The following KAZN variants were observed in gnomAD, a reference collection of about 807,000 sequenced individuals.
KAZN encodes the protein kazrin, periplakin interacting protein, also known as kazrin.
A neutral mutation model predicts 87.4 loss-of-function variants in KAZN; 40 were observed. That is an observed-to-expected ratio of 0.46 (90% confidence interval 0.36 to 0.60). The LOEUF (loss-of-function observed/expected upper bound fraction) is 0.60. KAZN is among the 20% of genes least tolerant of loss of function. The pLI is 0.00. For synonymous variants in KAZN, 466 were observed against 458.3 expected (o/e 1.02, Z -0.22); for missense variants, 898 against 1,073.9 (o/e 0.84, Z 2.29).
At chr1:14,632,979 C>T (rs1679687435) in intron 1 of KAZN, among the ~76,000 whole-genome samples, 1 of 151,992 alleles carries the variant, frequency 6.6e-6, no homozygotes, top group South Asian at 2.1e-4. Flanking sequence ...TGCAGTGGCG[C>T]CATCTCGGCT....
At chr1:15,047,283 C>T (rs1162908012) in intron 4 of KAZN, among the ~76,000 whole-genome samples, 1 of 152,206 alleles carries the variant, frequency 6.6e-6, no homozygotes, top group Non-Finnish European at 1.5e-5. Flanking sequence ...CACCGCCAGG[C>T]TGTGTTGCCT....
chr1:14,317,557 A>G (rs145938339), intron 2 of KAZN, among the ~76,000 whole-genome samples: 12 of 152,002 alleles, frequency 7.9e-5, no homozygotes, highest in Admixed American at 7.9e-4. Context: ...GCTGAAGTCT[A>G]TTATTTTGCT....
At chr1:14,205,052 G>A (rs1646711315) in intron 2 of KAZN, among the ~76,000 whole-genome samples, 1 of 152,200 alleles carries the variant, frequency 6.6e-6, no homozygotes, top group Non-Finnish European at 1.5e-5. Context: ...AGGGAGCCAG[G>A]CTGCTTCTAT....
At chr1:14,709,818 C>A (rs1246913116) in intron 1 of KAZN, among the ~76,000 whole-genome samples, 2 of 152,168 alleles carry the variant, frequency 1.3e-5, no homozygotes, top group African/African-American at 4.8e-5. Flanking sequence ...CACCAGGTGC[C>A]TTTTCTTATG....
At chr1:14,175,088 A>G (rs567508293) in intron 1 of KAZN, among the ~76,000 whole-genome samples, 25 of 152,232 alleles carry the variant, frequency 1.6e-4, no homozygotes, top group African/African-American at 6.0e-4. Flanking sequence ...AATTCAATCT[A>G]CCATGGATGG....
chr1:14,310,978 G>A (rs74057168), intron 2 of KAZN, among the ~76,000 whole-genome samples: 22 of 152,338 alleles, frequency 1.4e-4, no homozygotes, highest in African/African-American at 4.8e-4. Context: ...TTCCACTGGA[G>A]ATCCATCAGA....
intron 2 of KAZN, among the ~76,000 whole-genome samples, chr1:14,183,520 T>A (rs1398829233): frequency 6.6e-6 from 1 of 152,194 alleles, no homozygotes; most frequent in Non-Finnish European, 1.5e-5. Context: ...ATCTTGTGGC[T>A]TTGATTCCTG....
At chr1:14,290,808 T>C (rs1653626480) in intron 2 of KAZN, among the ~76,000 whole-genome samples, 1 of 152,200 alleles carries the variant, frequency 6.6e-6, no homozygotes, top group African/African-American at 2.4e-5. Flanking sequence ...CTCCCCATCT[T>C]TGTGGTTTTA....
intron 2 of KAZN, among the ~76,000 whole-genome samples, chr1:14,565,818 A>G (rs974509148): frequency 3.9e-5 from 6 of 152,124 alleles, no homozygotes; most frequent in Admixed American, 3.3e-4. Flanking sequence ...TTTGATCCTG[A>G]GATTCCAGTA....
intron 1 of KAZN, among the ~76,000 whole-genome samples, chr1:13,909,944 A>G (rs527942640): frequency 2.3e-4 from 35 of 152,278 alleles, no homozygotes; most frequent in African/African-American, 7.9e-4. Context: ...ATGGTGGTCA[A>G]TCTCACTCCT....
At position 13,920,481 on chromosome 1, in the gene KAZN, G is replaced by T. The variant is rs946594201; in HGVS notation, c.91+26725G>T. Among the ~76,000 whole-genome samples the T allele has an allele frequency of 1.1e-4, 17 of 151,994 alleles. 1 individual carries two copies. The highest frequency in any genetic ancestry group is 4.1e-4 in the African/African-American group (17 of 41,368). On this transcript the variant is annotated intron_variant, in intron 1 of 16. Transcript: ENST00000636203. ...CGAATCTAACTGGTGAAGTTGGCAG[G>T]CTCACCAGGTGTACATGTTGTAAGA...
chr1:14,961,837 A>G (rs6676281), intron 2 of KAZN, among the ~76,000 whole-genome samples: 41,414 of 152,080 alleles, frequency 0.27, 6,235 homozygotes, highest in African/African-American at 0.39. Flanking sequence ...TAACAAAGAG[A>G]CCCCAAAACA....
chr1:14,127,918 T>G (rs1413259280), intron 1 of KAZN, among the ~76,000 whole-genome samples: 1 of 152,108 alleles, frequency 6.6e-6, no homozygotes, highest in Admixed American at 6.6e-5. Flanking sequence ...GGTCCCTGGG[T>G]CCACTCACGA....
chr1:14,247,022 TG>T (rs1649578881), intron 2 of KAZN, among the ~76,000 whole-genome samples: 1 of 152,192 alleles, frequency 6.6e-6, no homozygotes, highest in Non-Finnish European at 1.5e-5. Context: ...CTTCCAATTT[TG>T]TTCACATCCT....
At chr1:14,521,676 A>C (rs1287418821) in intron 2 of KAZN, among the ~76,000 whole-genome samples, 3 of 152,176 alleles carry the variant, frequency 2.0e-5, no homozygotes, top group Non-Finnish European at 4.4e-5. Flanking sequence ...TACAGTCCGT[A>C]AAAGACCAGC....
chr1:14,718,872 C>G (rs1410946778), intron 1 of KAZN, among the ~76,000 whole-genome samples: 2 of 152,192 alleles, frequency 1.3e-5, no homozygotes, highest in African/African-American at 4.8e-5. Flanking sequence ...AGAACCACCC[C>G]ACTCCGCCCC....
At chr1:14,180,256 GTGTT>G (rs1215853493) in intron 1 of KAZN, among the ~76,000 whole-genome samples, 1 of 152,122 alleles carries the variant, frequency 6.6e-6, no homozygotes, top group Non-Finnish European at 1.5e-5. Context: ...TGTTCAATAA[GTGTT>G]TGTTAGTTAC....
intron 2 of KAZN, among the ~76,000 whole-genome samples, chr1:14,440,127 T>C (rs1353728847): frequency 6.6e-6 from 1 of 152,262 alleles, no homozygotes; most frequent in Admixed American, 6.5e-5. Context: ...AACATCTTTA[T>C]CTGTCTAGTT....
Position 14,170,274 on chromosome 1 carries a change from T to G in KAZN, c.92-10161T>G, listed in dbSNP as rs188083822. ...CAAATCTATCTGTTTAAAAGGGTGG[T>G]AAATTGATTTTGAATCCGTGGTTCT... On this transcript the variant is annotated intron_variant, in intron 1 of 16. Transcript: ENST00000636203. Among the ~76,000 whole-genome samples the G allele has an allele frequency of 1.8e-3, 276 of 152,282 alleles. 2 individuals carry two copies. The highest frequency in any genetic ancestry group is 3.4e-3 in the Non-Finnish European group (229 of 68,032).
Sources: gnomAD v4.1 joint callset for allele counts (sites outside exome capture counted in the v4.1 genomes callset) on GRCh38, gnomAD v4.1.1 for gene constraint, MANE v1.5 for transcripts, NCBI Gene and HGNC (gene_info 2026-07-23, HGNC 2026-07-21) for gene names.